The following IMMP2L variants were observed in gnomAD, a reference collection of about 807,000 sequenced individuals.
IMMP2L encodes inner mitochondrial membrane peptidase subunit 2.
Under a neutral mutation model 19.3 loss-of-function variants are expected in IMMP2L, and 18 were observed. The observed-to-expected ratio is 0.93, with a 90% CI of 0.64 to 1.38. IMMP2L has a LOEUF of 1.38. IMMP2L is among the 40% of genes most tolerant of loss of function. The pLI is 0.00. For synonymous variants in IMMP2L, 76 were observed against 73.0 expected (o/e 1.04, Z -0.21); for missense variants, 233 against 218.2 (o/e 1.07, Z -0.43).
intron 3 of IMMP2L, among the ~76,000 whole-genome samples, chr7:111,013,962 G>A (rs1399063341): frequency 6.6e-6 from 1 of 152,050 alleles, no homozygotes; most frequent in Non-Finnish European, 1.5e-5. Flanking sequence ...GGTCAAGTCA[G>A]GAAAACTGGA....
chr7:110,882,745 G>GT lies in IMMP2L; in HGVS notation c.408+3847dup, dbSNP rs545748346. 2.3e-3 allele frequency among the ~76,000 whole-genome samples: 349 copies of GT among 148,696 alleles called. 1 individual carries two copies. The highest frequency in any genetic ancestry group is 6.5e-3 in the African/African-American group (263 of 40,280). On this transcript the variant is annotated intron_variant, in intron 5 of 5. Coordinates refer to ENST00000405709, the MANE Select transcript of IMMP2L (RefSeq NM_032549.4). ...CTTCCTGCAACTCCAAGAATCTACT[G>GT]TTTTTTTTTGTTTTTTCTTTTTCTT...
chr7:111,475,860 T>C (rs543838044), intron 3 of IMMP2L, among the ~76,000 whole-genome samples: 1 of 152,272 alleles, frequency 6.6e-6, no homozygotes, highest in South Asian at 2.1e-4. Flanking sequence ...TCATTTGATG[T>C]CTTTCACCAA....
At chr7:110,675,046 C>T (rs1434208254) in intron 5 of IMMP2L, among the ~76,000 whole-genome samples, 1 of 152,130 alleles carries the variant, frequency 6.6e-6, no homozygotes, top group African/African-American at 2.4e-5. Flanking sequence ...CAGTTCTACC[C>T]AATATAAAGA....
At chr7:111,124,849 T>A (rs745504276) in intron 3 of IMMP2L, 3 of 1,609,288 alleles carry the variant, frequency 1.9e-6, no homozygotes, top group Non-Finnish European at 2.5e-6. Context: ...AAAAAGTACA[T>A]CACTGAAAGT....
At chr7:110,774,890 A>G (rs1799274003) in intron 5 of IMMP2L, among the ~76,000 whole-genome samples, 1 of 152,102 alleles carries the variant, frequency 6.6e-6, no homozygotes, top group African/African-American at 2.4e-5. Context: ...GTGTAGAAAT[A>G]CACACATACA....
At chr7:111,031,648 A>G (rs1790836173) in intron 3 of IMMP2L, among the ~76,000 whole-genome samples, 1 of 152,162 alleles carries the variant, frequency 6.6e-6, no homozygotes, top group Non-Finnish European at 1.5e-5. Flanking sequence ...AATCCAAATG[A>G]TTTATGCCTA....
At chr7:110,994,090 C>A (rs1282600612) in intron 3 of IMMP2L, among the ~76,000 whole-genome samples, 1 of 151,806 alleles carries the variant, frequency 6.6e-6, no homozygotes, top group Non-Finnish European at 1.5e-5. Flanking sequence ...TGGGAAATAG[C>A]TTTGATCATT....
intron 3 of IMMP2L, among the ~76,000 whole-genome samples, chr7:111,340,704 A>G (rs573112534): frequency 2.9e-4 from 44 of 152,246 alleles, no homozygotes; most frequent in Non-Finnish European, 5.6e-4. Flanking sequence ...TAACAAGAGG[A>G]TGGAAACATA....
intron 3 of IMMP2L, among the ~76,000 whole-genome samples, chr7:111,029,994 A>G (rs991238064): frequency 1.3e-5 from 2 of 152,150 alleles, no homozygotes; most frequent in Non-Finnish European, 2.9e-5. Flanking sequence ...AAATCATAGA[A>G]TCCCAAAACC....
chr7:110,705,453 T>C (rs2130673595), intron 5 of IMMP2L, among the ~76,000 whole-genome samples: 1 of 152,296 alleles, frequency 6.6e-6, no homozygotes, highest in East Asian at 1.9e-4. Context: ...CCCCAGGTAA[T>C]GAATTTTGCC....
At chr7:111,424,370 C>T (rs1373308933) in intron 3 of IMMP2L, among the ~76,000 whole-genome samples, 3 of 151,568 alleles carry the variant, frequency 2.0e-5, no homozygotes, top group African/African-American at 4.9e-5. Flanking sequence ...AAAACCCATC[C>T]GTTAATACTC....
intron 3 of IMMP2L, among the ~76,000 whole-genome samples, chr7:111,437,848 T>A (rs913346953): frequency 6.6e-6 from 1 of 151,926 alleles, no homozygotes; most frequent in East Asian, 1.9e-4. Flanking sequence ...ATTACAGTTA[T>A]GCAGTGCACA....
At chr7:111,445,831 C>T (rs1474030081) in intron 3 of IMMP2L, among the ~76,000 whole-genome samples, 7 of 152,092 alleles carry the variant, frequency 4.6e-5, no homozygotes, top group African/African-American at 9.7e-5. Flanking sequence ...AGACAGTGGG[C>T]GCAGGCCAGT....
chr7:110,991,448 T>C lies in IMMP2L; in HGVS notation c.240-27883A>G, dbSNP rs148766605. 4.0e-3 allele frequency among the ~76,000 whole-genome samples: 611 copies of C among 152,262 alleles called. 4 individuals are homozygous for C. Among genetic ancestry groups the C allele is most frequent in the African/African-American group, 0.014 (590 of 41,560 alleles). ...TACTAACGGTGGTGTGGTCTAGTAA[T>C]AGGAGCAAAACGCCATCATTTTTTT... is the stretch of plus-strand genomic sequence containing the variant. On this transcript the variant is annotated intron_variant, in intron 3 of 5. Coordinates refer to ENST00000405709, the MANE Select transcript of IMMP2L (RefSeq NM_032549.4).
At chr7:110,969,530 T>C (rs896528435) in intron 3 of IMMP2L, among the ~76,000 whole-genome samples, 9 of 152,008 alleles carry the variant, frequency 5.9e-5, no homozygotes, top group African/African-American at 2.2e-4. Flanking sequence ...GCCTCATTAC[T>C]GGCAAAATGA....
At chr7:111,102,988 T>C (rs1471573819) in intron 3 of IMMP2L, among the ~76,000 whole-genome samples, 1 of 151,564 alleles carries the variant, frequency 6.6e-6, no homozygotes, top group African/African-American at 2.4e-5. Flanking sequence ...TGCTAAAATT[T>C]AAAAATTGCT....
Position 110,730,532 on chromosome 7 carries a change from C to CT in IMMP2L, c.409-66812dup, listed in dbSNP as rs566137083. On this transcript the variant is annotated intron_variant, in intron 5 of 5. Transcript: ENST00000405709. ...ACTGGCTTTCTTTCCTTTTCTTTTT[C>CT]TTTTTTTTTTTTTTGAGACGGAGTC... Among the ~76,000 whole-genome samples, 821 of 143,802 alleles carry CT rather than the reference C, an allele frequency of 5.7e-3. 1 individual carries two copies. The highest frequency in any genetic ancestry group is 0.011 in the East Asian group (56 of 4,956). The allele number at this position is 143,802 out of a possible 152,430, so 94.3% of individuals were successfully genotyped here.
intron 2 of IMMP2L, among the ~76,000 whole-genome samples, chr7:111,491,017 T>TG (rs1358175270): frequency 3.3e-5 from 5 of 152,108 alleles, no homozygotes; most frequent in Non-Finnish European, 7.4e-5. Context: ...CTGCCACCCC[T>TG]GAGACAGTAA....
chr7:111,156,405 A>G (rs1804651210), intron 3 of IMMP2L, among the ~76,000 whole-genome samples: 2 of 152,250 alleles, frequency 1.3e-5, no homozygotes, highest in Middle Eastern at 3.4e-3. Flanking sequence ...AAATTTTAAT[A>G]TTCAGGCATT....
Sources: allele counts gnomAD v4.1 joint callset (sites outside exome capture counted in the v4.1 genomes callset), GRCh38; gene constraint gnomAD v4.1.1; transcripts MANE v1.5; gene names NCBI Gene and HGNC (gene_info 2026-07-23, HGNC 2026-07-21).